MTERF3: variants seen among roughly 807,000 people sequenced by gnomAD.
MTERF3 encodes the protein mitochondrial transcription termination factor 3.
A neutral mutation model predicts 40.5 loss-of-function variants in MTERF3; 40 were observed. The ratio of observed to expected loss-of-function variants is 0.99; its 90% CI spans 0.77 to 1.29. The LOEUF is 1.29. Among genes scored for constraint, MTERF3 ranks in the 50% most tolerant of loss-of-function variants. The pLI, the probability that MTERF3 is intolerant of heterozygous loss-of-function variation, is 0.00. For synonymous variants in MTERF3, 158 were observed against 166.6 expected (o/e 0.95, Z 0.40); for missense variants, 452 against 478.2 (o/e 0.95, Z 0.51).
At chr8:96,245,778 T>A in intron 6 of MTERF3, 82 bp downstream of exon 6, 5 of 1,223,456 alleles carry the variant, frequency 4.1e-6, no homozygotes, top group African/African-American at 1.5e-5. Flanking sequence ...TTCTTTTACA[T>A]GACAATAGCA....
intron 4 of MTERF3, among the ~76,000 whole-genome samples, chr8:96,247,017 G>A (rs1810034643): frequency 6.6e-6 from 1 of 152,044 alleles, no homozygotes; most frequent in Admixed American, 6.5e-5. Context: ...CTGTTGCCCA[G>A]GCTGGAGTGC....
chr8:96,249,742 G>C (rs1394389602), intron 4 of MTERF3, among the ~76,000 whole-genome samples: 2 of 152,182 alleles, frequency 1.3e-5, no homozygotes, highest in Non-Finnish European at 2.9e-5. Context: ...AGTAATCTTG[G>C]TGTGATATTA....
intron 7 of MTERF3, among the ~76,000 whole-genome samples, chr8:96,240,527 G>A (rs1409975801): frequency 6.6e-6 from 1 of 152,170 alleles, no homozygotes; most frequent in Non-Finnish European, 1.5e-5. Context: ...GAGCAACTAG[G>A]GAAAGTATGT....
Position 96,261,551 on chromosome 8 carries a change from C to G in MTERF3, c.-61G>C, listed in dbSNP as rs950349303. The stretch of plus-strand genomic sequence containing the variant: ...CGGGTGACCCCGGGACCGACCAACT[C>G]GCTGGGCCGCACGTCCCGTCCCGCC... On this transcript the variant is annotated 5_prime_UTR_variant, in exon 1 of 8. Coordinates refer to ENST00000287025, the MANE Select transcript of MTERF3 (RefSeq NM_015942.5). 1 of 154,450 alleles carries G rather than the reference C, an allele frequency of 6.5e-6. No individual in the cohort carries two copies. The highest frequency in any genetic ancestry group is 2.4e-5 in the African/African-American group (1 of 41,476). The allele number at this position is 154,450 out of a possible 1,614,324, so 9.6% of individuals were successfully genotyped here. A position where few individuals can be genotyped will look rare whatever the true frequency, so the allele number is the denominator to read the frequency against.
In MTERF3 at chr8:96,258,497, G is replaced by A. The variant is rs771007852; in HGVS notation, c.194C>T (p.Ser65Phe). The change falls in exon 2 of 8, where the codon TCC becomes TTC. Residue 65 changes from serine to phenylalanine, a missense_variant. Coordinates refer to ENST00000287025, the MANE Select transcript of MTERF3 (RefSeq NM_015942.5). ...QWGFKTYRTS[S>F]LWNSSQSTSS... is the part of the protein sequence containing the mutation. ...AGTAGACTGGGAACTATTCCATAAG[G>A]AGGAAGTCCTGTAAGTCTTAAATCC... 3 of 1,614,056 alleles carry A rather than the reference G, an allele frequency of 1.9e-6. No individual in the cohort carries two copies. Among genetic ancestry groups the A allele is most frequent in the Admixed American group, 3.3e-5 (2 of 60,014 alleles).
chr8:96,257,003 T>G lies in MTERF3; in HGVS notation c.446A>C (p.Tyr149Ser). 1 of 1,613,834 alleles carries G rather than the reference T, an allele frequency of 6.2e-7. No homozygotes were observed. The highest frequency in any genetic ancestry group is 1.7e-4 in the Middle Eastern group (1 of 6,060). Residue 149 changes from tyrosine (Y) to serine (S), a missense_variant, in exon 3 of 8, where the codon TAT becomes TCT. Coordinates refer to ENST00000287025, the MANE Select transcript of MTERF3 (RefSeq NM_015942.5). ...CTGCAGAGTCTCAGAATGATCCACA[T>G]AGTCTCGAAGTGTGAATGAAGCTGG... ...LPPASFTLRD[Y>S]VDHSETLQKL...
intron 4 of MTERF3, among the ~76,000 whole-genome samples, chr8:96,250,272 C>A (rs996400876): frequency 6.7e-6 from 1 of 150,136 alleles, no homozygotes; most frequent in African/African-American, 2.4e-5. Flanking sequence ...ACTACAAAAA[C>A]CACAAAAGAT....
rs1810019503 is a variant in MTERF3 at position 96,246,316 on chromosome 8, A to G, written c.816T>C (p.Ser272=). Residue 272 remains serine, a synonymous_variant, in exon 5 of 8, where the codon AGT becomes AGC. Transcript: ENST00000287025. ...LGFFQKELEL[S]VKKTRDLVVR... is the part of the protein sequence containing the mutation. Reference sequence around the variant, plus strand: ...CTCTCCTTTTCTTTACCTTCTTCACACTAAGTTCAAGTTCTTTCTGAAAAA... The same window carrying G: ...CTCTCCTTTTCTTTACCTTCTTCACGCTAAGTTCAAGTTCTTTCTGAAAAA... 1 of 1,598,834 alleles carries G rather than the reference A, an allele frequency of 6.3e-7. No homozygotes were observed. The highest frequency in any genetic ancestry group is 1.3e-5 in the African/African-American group (1 of 74,088).
intron 7 of MTERF3, among the ~76,000 whole-genome samples, chr8:96,240,396 ATGT>A: frequency 6.6e-6 from 1 of 152,206 alleles, no homozygotes; most frequent in East Asian, 1.9e-4. Context: ...AGAGATTAAG[ATGT>A]TATTATATAA....
intron 7 of MTERF3, among the ~76,000 whole-genome samples, chr8:96,241,243 C>T (rs1333853665): frequency 1.3e-5 from 2 of 151,910 alleles, no homozygotes; most frequent in African/African-American, 4.8e-5. Context: ...AACCTCGTCT[C>T]TACTAAAAAC....
intron 7 of MTERF3, among the ~76,000 whole-genome samples, chr8:96,240,083 A>G (rs536447112): frequency 2.0e-5 from 3 of 152,258 alleles, no homozygotes; most frequent in East Asian, 1.9e-4. Flanking sequence ...CCCTGTCTCT[A>G]CTAAACATAC....
At chr8:96,250,676 A>AGAAGAAGAAGAAGAAGAAGAG in intron 4 of MTERF3, among the ~76,000 whole-genome samples, 1 of 38,858 alleles carries the variant, frequency 2.6e-5, no homozygotes, top group South Asian at 1.2e-3. Context: ...AAGAAGAAGA[A>AGAAGAAGAAGAAGAAGAAGAG]GAAGAAGGAG....
intron 1 of MTERF3, among the ~76,000 whole-genome samples, chr8:96,260,974 T>C (rs533887947): frequency 3.3e-5 from 5 of 152,344 alleles, no homozygotes; most frequent in African/African-American, 1.2e-4. Context: ...CAGATGTGTA[T>C]AAAAGCCCTG....
In MTERF3 at chr8:96,250,317, ATTTG is replaced by A. The variant is rs1411849533; in HGVS notation, c.677+585_677+588del. Among the ~76,000 whole-genome samples, 7 of 148,192 alleles carry A rather than the reference ATTTG, an allele frequency of 4.7e-5. 1 individual carries two copies. The East Asian group carries it at 7.9e-4, about 17-fold the overall frequency. On this transcript the variant is annotated intron_variant, in intron 4 of 7. Coordinates refer to ENST00000287025, the MANE Select transcript of MTERF3 (RefSeq NM_015942.5). ...AAGTGCACTCTCAGATAAGTTAGCT[ATTTG>A]TTGATGGGTTTTTTTTTTTTTTAAG... is the stretch of plus-strand genomic sequence containing the variant.
chr8:96,251,810 T>C (rs1810191383), intron 3 of MTERF3, among the ~76,000 whole-genome samples: 1 of 152,230 alleles, frequency 6.6e-6, no homozygotes, highest in Non-Finnish European at 1.5e-5. Context: ...AATATAATTA[T>C]AAATCCAAAT....
At chr8:96,247,645 T>C (rs904479073) in intron 4 of MTERF3, among the ~76,000 whole-genome samples, 6 of 152,130 alleles carry the variant, frequency 3.9e-5, no homozygotes, top group African/African-American at 1.4e-4. Context: ...CCTATGGTAT[T>C]TTTATACTAT....
At chr8:96,253,394 C>T (rs950744993) in intron 3 of MTERF3, among the ~76,000 whole-genome samples, 1 of 152,244 alleles carries the variant, frequency 6.6e-6, no homozygotes, top group East Asian at 1.9e-4. Flanking sequence ...AAAATATCCC[C>T]ACCTGACCCT....
chr8:96,253,729 G>A (rs994000347), intron 3 of MTERF3, among the ~76,000 whole-genome samples: 6 of 152,070 alleles, frequency 3.9e-5, no homozygotes, highest in African/African-American at 1.4e-4. Context: ...GACTAGGCCA[G>A]GCACGGTGGC....
intron 6 of MTERF3, 71 bp from the exon 7 acceptor site, chr8:96,244,151 C>A: frequency 3.7e-6 from 5 of 1,367,254 alleles, no homozygotes; most frequent in South Asian, 1.4e-5. Flanking sequence ...CAAGGCTGCA[C>A]TGATTTTTTT....
Sources: allele counts gnomAD v4.1 joint callset (sites outside exome capture counted in the v4.1 genomes callset), GRCh38; gene constraint gnomAD v4.1.1; transcripts MANE v1.5; gene names NCBI Gene and HGNC (gene_info 2026-07-23, HGNC 2026-07-21).